CNTNAP2: variants seen among roughly 807,000 people sequenced by gnomAD.
CNTNAP2 encodes contactin-associated protein-like 2.
In CNTNAP2, 98 loss-of-function variants were observed where a neutral mutation model predicts 155.2. The observed-to-expected ratio is 0.63, with a 90% confidence interval of 0.54 to 0.75. CNTNAP2 has a LOEUF of 0.75. CNTNAP2 is among the 30% of genes least tolerant of loss of function. CNTNAP2 has a pLI of 0.00. For synonymous variants in CNTNAP2, 651 were observed against 631.2 expected, an observed-to-expected ratio of 1.03 and a Z score of -0.47; for missense variants, 1,727 against 1,688.1, an observed-to-expected ratio of 1.02 and a Z score of -0.40.
intron 1 of CNTNAP2, among the ~76,000 whole-genome samples, chr7:146,550,871 C>T (rs1798111521): frequency 6.6e-6 from 1 of 151,978 alleles, no homozygotes; most frequent in African/African-American, 2.4e-5. Context: ...TCAGGGGATG[C>T]TTCATGAATG....
Position 147,374,713 on chromosome 7 carries a change from T to C in CNTNAP2, c.1499-20896T>C, listed in dbSNP as rs955489263. On this transcript the variant is annotated intron_variant, in intron 9 of 23. Transcript: ENST00000361727. ...AGGAGGAGCCGGTAGTCTCTGGCTA[T>C]ATTCTGGAAACATAGGAAAAGAGGA... 7.9e-5 allele frequency among the ~76,000 whole-genome samples: 12 copies of C among 152,216 alleles called. No individual in the cohort carries two copies. The Middle Eastern group carries it at 0.01, about 129-fold the overall frequency.
chr7:147,742,787 T>C (rs1796975792), intron 13 of CNTNAP2, among the ~76,000 whole-genome samples: 1 of 152,220 alleles, frequency 6.6e-6, no homozygotes, highest in African/African-American at 2.4e-5. Flanking sequence ...AGTGTGTTTA[T>C]GCAAAACAAA....
intron 1 of CNTNAP2, among the ~76,000 whole-genome samples, chr7:146,655,389 T>G: frequency 3.1e-5 from 4 of 129,752 alleles, no homozygotes; most frequent in Admixed American, 9.1e-5. Flanking sequence ...ACTCCAGCCT[T>G]GGAGACAGAG....
intron 9 of CNTNAP2, among the ~76,000 whole-genome samples, chr7:147,308,715 C>G (rs1795074204): frequency 1.3e-5 from 2 of 152,176 alleles, no homozygotes; most frequent in African/African-American, 4.8e-5. Context: ...CATAGTTCCA[C>G]CAAAATTAAC....
At chr7:147,559,041 T>A (rs1584812628) in intron 11 of CNTNAP2, among the ~76,000 whole-genome samples, 2 of 151,878 alleles carry the variant, frequency 1.3e-5, no homozygotes, top group Admixed American at 6.6e-5. Flanking sequence ...CGGCCTAATA[T>A]TTTTTAAAAA....
chr7:147,266,027 A>T lies in CNTNAP2; in HGVS notation c.1349-34114A>T, dbSNP rs113632645. ...ATCTGAACCAGACAAACTCATGAAG[A>T]TGAGAAAGAATCAACCAAAAAAATG... is the stretch of plus-strand genomic sequence containing the variant. On this transcript the variant is annotated intron_variant, in intron 8 of 23. Coordinates refer to ENST00000361727, the MANE Select transcript of CNTNAP2 (RefSeq NM_014141.6). 1.8e-4 allele frequency among the ~76,000 whole-genome samples: 27 copies of T among 152,068 alleles called. 1 individual carries two copies. Among genetic ancestry groups the T allele is most frequent in the African/African-American group, 6.5e-4 (27 of 41,338 alleles).
chr7:146,508,686 T>G (rs1797422096), intron 1 of CNTNAP2, among the ~76,000 whole-genome samples: 1 of 152,224 alleles, frequency 6.6e-6, no homozygotes, highest in East Asian at 1.9e-4. Context: ...TTCACCCATC[T>G]GCAAGTAGTC....
chr7:146,679,345 T>TTA lies in CNTNAP2; in HGVS notation c.98-94925_98-94924insAT, dbSNP rs1800459698. 2.9e-5 allele frequency among the ~76,000 whole-genome samples: 3 copies of TTA among 103,226 alleles called. No homozygotes were observed. In the South Asian group the frequency reaches 1.6e-3, roughly 55 times the overall value. The allele number at this position is 103,226 out of a possible 152,430, so 67.7% of individuals were successfully genotyped here. On this transcript the variant is annotated intron_variant, in intron 1 of 23. Transcript: ENST00000361727. ...ATCCATGCAAAGGACATGATCTTGT[T>TTA]TCTTTTTTTTTTTTTTTTTTTTGGA...
intron 13 of CNTNAP2, among the ~76,000 whole-genome samples, chr7:147,743,697 C>CA (rs1554429589): frequency 6.7e-6 from 1 of 150,304 alleles, no homozygotes; most frequent in Non-Finnish European, 1.5e-5. Context: ...TTTTTTGTGA[C>CA]TTTTTTTTTC....
intron 18 of CNTNAP2, among the ~76,000 whole-genome samples, chr7:148,176,550 T>C (rs1038227031): frequency 1.3e-5 from 2 of 152,110 alleles, no homozygotes; most frequent in South Asian, 4.1e-4. Context: ...TGCCTAAAGA[T>C]TTGACCACCA....
chr7:148,148,398 T>C (rs139660408), intron 17 of CNTNAP2, among the ~76,000 whole-genome samples: 36 of 152,346 alleles, frequency 2.4e-4, no homozygotes, highest in African/African-American at 7.5e-4. Flanking sequence ...TAGTTGAATT[T>C]TAAATTTTGT....
At chr7:147,163,884 A>T (rs1363339668) in intron 8 of CNTNAP2, among the ~76,000 whole-genome samples, 1 of 152,132 alleles carries the variant, frequency 6.6e-6, no homozygotes, top group Admixed American at 6.5e-5. Context: ...TCAGACATTC[A>T]CTTGTATAAG....
intron 9 of CNTNAP2, among the ~76,000 whole-genome samples, chr7:147,357,846 C>T (rs530232567): frequency 1.3e-5 from 2 of 152,154 alleles, no homozygotes; most frequent in African/African-American, 2.4e-5. Flanking sequence ...AAAGCTTCTA[C>T]GTTCCTTGGA....
intron 4 of CNTNAP2, among the ~76,000 whole-genome samples, chr7:147,106,799 G>A (rs1352539932): frequency 6.6e-6 from 1 of 152,164 alleles, no homozygotes; most frequent in Admixed American, 6.6e-5. Context: ...GGTTCTGGCA[G>A]CCCTGCATCT....
Position 147,395,716 on chromosome 7 carries a change from G to A in CNTNAP2, c.1606G>A (p.Val536Met), listed in dbSNP as rs2116454090. 1 of 1,612,566 alleles carries A rather than the reference G, an allele frequency of 6.2e-7. No individual in the cohort carries two copies. The highest frequency in any genetic ancestry group is 8.5e-7 in the Non-Finnish European group (1 of 1,178,896). ...VDDQLVNLYEVAQRKPGSFAN... is the reference protein window; with the variant it reads ...VDDQLVNLYEMAQRKPGSFAN... ...CGATCAACTTGTAAATTTATACGAA[G>A]TGGCACAAAGGAAGCCGGGAAGTTT... Residue 536 changes from valine (V) to methionine (M), a missense_variant, in exon 10 of 24, where the codon GTG (valine) becomes ATG (methionine). Coordinates refer to ENST00000361727, the MANE Select transcript of CNTNAP2 (RefSeq NM_014141.6).
At chr7:146,585,224 C>A (rs570835974) in intron 1 of CNTNAP2, among the ~76,000 whole-genome samples, 10 of 152,218 alleles carry the variant, frequency 6.6e-5, no homozygotes, top group African/African-American at 9.6e-5. Context: ...CTGGTTCAAG[C>A]CATTTTCCTG....
chr7:146,959,794 C>T (rs148658527), intron 3 of CNTNAP2, among the ~76,000 whole-genome samples: 1 of 151,428 alleles, frequency 6.6e-6, no homozygotes, highest in East Asian at 1.9e-4. Context: ...ATAGGAACAG[C>T]ACACTTGAGC....
At chr7:147,309,766 G>A (rs1190085219) in intron 9 of CNTNAP2, among the ~76,000 whole-genome samples, 1 of 152,088 alleles carries the variant, frequency 6.6e-6, no homozygotes, top group Admixed American at 6.5e-5. Context: ...AGGGGTACAT[G>A]TATAGGGTTT....
intron 13 of CNTNAP2, among the ~76,000 whole-genome samples, chr7:147,813,001 C>A (rs777021700): frequency 6.6e-6 from 1 of 152,066 alleles, no homozygotes; most frequent in South Asian, 2.1e-4. Context: ...AGTCACCTGG[C>A]TTCTATGGAG....
Sources: gnomAD v4.1 joint callset for allele counts (sites outside exome capture counted in the v4.1 genomes callset) on GRCh38, gnomAD v4.1.1 for gene constraint, MANE v1.5 for transcripts, NCBI Gene and HGNC (gene_info 2026-07-23, HGNC 2026-07-21) for gene names.